The following PKHD1 variants were observed in gnomAD, a reference collection of about 807,000 sequenced individuals.
PKHD1 encodes the protein fibrocystin.
A neutral mutation model predicts 412.0 loss-of-function variants in PKHD1; 291 were observed. The ratio of observed to expected loss-of-function variants is 0.71; its 90% CI spans 0.64 to 0.78. The LOEUF (loss-of-function observed/expected upper bound fraction) is 0.78, where lower values mean the gene tolerates loss of function less well. Among genes scored for constraint, PKHD1 ranks in the 30% least tolerant of loss-of-function variants. The pLI is 0.00. For missense variants in PKHD1, 4,825 were observed against 4,950.7 expected, an observed-to-expected ratio of 0.97 and a Z score of 0.76; for synonymous variants, 1,777 against 1,821.5, an observed-to-expected ratio of 0.98 and a Z score of 0.62.
At chr6:52,069,340 T>C in intron 11 of PKHD1, 117 bp downstream of exon 11, 1 of 800,590 alleles carries the variant, frequency 1.2e-6, no homozygotes, top group Non-Finnish European at 2.3e-6. Context: ...CTGTCTATGA[T>C]TGTAGGGACA....
At chr6:51,795,870 A>C (rs7749283) in intron 52 of PKHD1, among the ~76,000 whole-genome samples, 89,791 of 151,950 alleles carry the variant, frequency 0.59, 27,190 homozygotes, top group East Asian at 0.83. Context: ...AGGGACGAAG[A>C]CTACTTGATC....
In PKHD1 at chr6:52,056,709, C is replaced by G; in HGVS notation, c.1682G>C (p.Gly561Ala). 12 of 1,612,542 alleles carry G rather than the reference C, an allele frequency of 7.4e-6. No homozygotes were observed. The highest frequency in any genetic ancestry group is 1.0e-5 in the Non-Finnish European group (12 of 1,178,612). The change falls in exon 18 of 67, where the codon GGA (glycine) becomes GCA (alanine). Residue 561 changes from glycine to alanine, a missense_variant. Transcript: ENST00000371117. ...GCCACGGACAGCACCTCGTTCAAATCCAAGCCGGAGAAGGATGTTAGACCA... is the reference window on the plus strand; with the variant it reads ...GCCACGGACAGCACCTCGTTCAAATGCAAGCCGGAGAAGGATGTTAGACCA... ...PLWSNILLRL[G>A]FERGPEVSNS... is the part of the protein sequence containing the mutation.
chr6:51,791,642 T>G (rs1263687235), intron 52 of PKHD1, among the ~76,000 whole-genome samples: 3 of 152,228 alleles, frequency 2.0e-5, no homozygotes, highest in Non-Finnish European at 4.4e-5. Context: ...CCAAGTCTAG[T>G]GCAGTGGAAA....
chr6:52,025,988 G>T lies in PKHD1; in HGVS notation c.3822C>A (p.Gly1274=), dbSNP rs758374049. The change falls in exon 32 of 67, where the codon GGC becomes GGA. Residue 1274 remains glycine (G), a synonymous_variant. Coordinates refer to ENST00000371117, the MANE Select transcript of PKHD1 (RefSeq NM_138694.4). ...TVPAAVEVWA[G]NRFFARGPSP... is the part of the protein sequence containing the mutation. The stretch of plus-strand genomic sequence containing the variant: ...AAGGACCACGGGCGAAGAACCTGTT[G>T]CCAGCCCAGACCTCCACGGCAGCTG... The T allele has an allele frequency of 6.2e-7, 1 of 1,614,128 alleles. No individual in the cohort carries two copies. Among genetic ancestry groups the T allele is most frequent in the Non-Finnish European group, 8.5e-7 (1 of 1,180,028 alleles).
At chr6:51,804,235 C>T (rs1763365401) in intron 52 of PKHD1, among the ~76,000 whole-genome samples, 1 of 150,890 alleles carries the variant, frequency 6.6e-6, no homozygotes. Context: ...TGCCCAACCA[C>T]CAACAGTCCA....
At chr6:51,682,407 TC>T (rs1776809158) in intron 60 of PKHD1, among the ~76,000 whole-genome samples, 1 of 152,090 alleles carries the variant, frequency 6.6e-6, no homozygotes, top group South Asian at 2.1e-4. Flanking sequence ...TGCCTTCTTT[TC>T]CAGTGTGATA....
intron 29 of PKHD1, 87 bp from the exon 30 acceptor site, chr6:52,028,438 T>G: frequency 1.6e-6 from 2 of 1,270,656 alleles, no homozygotes; most frequent in Non-Finnish European, 2.3e-6. Flanking sequence ...CTTTTTGGAT[T>G]AAATTCACAG....
intron 57 of PKHD1, among the ~76,000 whole-genome samples, chr6:51,749,097 A>G (rs1392957232): frequency 1.3e-5 from 2 of 152,194 alleles, no homozygotes; most frequent in Non-Finnish European, 2.9e-5. Flanking sequence ...AGCCATTCCC[A>G]AGAAGACACT....
intron 60 of PKHD1, among the ~76,000 whole-genome samples, chr6:51,700,591 T>C (rs1241720904): frequency 6.6e-6 from 1 of 152,064 alleles, no homozygotes; most frequent in African/African-American, 2.4e-5. Flanking sequence ...CTCAGACTAC[T>C]AGTTTACTGC....
At chr6:51,840,333 T>C (rs531052390) in intron 50 of PKHD1, among the ~76,000 whole-genome samples, 23 of 152,252 alleles carry the variant, frequency 1.5e-4, no homozygotes, top group African/African-American at 4.8e-4. Flanking sequence ...AAATAGTATA[T>C]GAAAATCCTG....
intron 43 of PKHD1, among the ~76,000 whole-genome samples, chr6:51,898,200 A>C (rs1180270614): frequency 1.3e-5 from 2 of 152,088 alleles, no homozygotes; most frequent in African/African-American, 4.8e-5. Context: ...CCTCAAATCA[A>C]CAGAATATAC....
intron 52 of PKHD1, among the ~76,000 whole-genome samples, chr6:51,820,796 T>C (rs1766268824): frequency 6.6e-6 from 1 of 152,144 alleles, no homozygotes; most frequent in Non-Finnish European, 1.5e-5. Flanking sequence ...GCAAAGTTCT[T>C]ATCTCTAAAC....
At chr6:51,695,266 C>T (rs541047938) in intron 60 of PKHD1, among the ~76,000 whole-genome samples, 1 of 152,252 alleles carries the variant, frequency 6.6e-6, no homozygotes, top group South Asian at 2.1e-4. Context: ...AGGATTTTCT[C>T]AAAATCCTTT....
At position 52,067,487 on chromosome 6, in the gene PKHD1, G is replaced by A. The variant is rs374729301; in HGVS notation, c.779-1410C>T. Among the ~76,000 whole-genome samples, 160 of 152,234 alleles carry A rather than the reference G, an allele frequency of 1.1e-3. 1 individual carries two copies. Among genetic ancestry groups the A allele is most frequent in the African/African-American group, 3.1e-3 (127 of 41,536 alleles). ...TGAATACAAAATAGTTCCTGTCCTC[G>A]AGAAGATCAGCATGGTAAGGCAGGT... On this transcript the variant is annotated intron_variant, in intron 11 of 66. Transcript: ENST00000371117.
At chr6:52,086,932 CA>C (rs1304802529) in intron 1 of PKHD1, among the ~76,000 whole-genome samples, 4 of 152,286 alleles carry the variant, frequency 2.6e-5, no homozygotes, top group Admixed American at 2.0e-4. Flanking sequence ...GTTACACAGA[CA>C]AAATATACTC....
Position 51,887,199 on chromosome 6 carries a change from A to T in PKHD1, c.7043T>A (p.Met2348Lys). The change falls in exon 44 of 67, where the codon ATG (methionine) becomes AAG (lysine). Residue 2348 changes from methionine to lysine, a missense_variant. By Grantham distance (95) the Met-to-Lys change is moderately conservative. Coordinates refer to ENST00000371117, the MANE Select transcript of PKHD1 (RefSeq NM_138694.4). ...GAGYGYFFHL[M>K]TNQTSQAPLL... The stretch of plus-strand genomic sequence containing the variant: ...CGGAGCTTGTGATGTTTGGTTGGTC[A>T]TGAGATGGAAAAAGTAGCCATAGCC... 1 of 1,613,656 alleles carries T rather than the reference A, an allele frequency of 6.2e-7. No homozygotes were observed. The highest frequency in any genetic ancestry group is 8.5e-7 in the Non-Finnish European group (1 of 1,179,560).
chr6:51,674,842 T>G (rs1313631347), intron 60 of PKHD1, among the ~76,000 whole-genome samples: 1 of 152,298 alleles, frequency 6.6e-6, no homozygotes, highest in East Asian at 1.9e-4. Flanking sequence ...CTTTTAATAT[T>G]TTATCATACT....
At chr6:51,983,883 T>C (rs955971965) in intron 35 of PKHD1, among the ~76,000 whole-genome samples, 5 of 152,202 alleles carry the variant, frequency 3.3e-5, no homozygotes, top group Non-Finnish European at 5.9e-5. Context: ...CAAGAGAAAG[T>C]GTTTATAGCA....
At chr6:51,693,238 C>T (rs1045100934) in intron 60 of PKHD1, among the ~76,000 whole-genome samples, 10 of 152,238 alleles carry the variant, frequency 6.6e-5, no homozygotes, top group Admixed American at 2.6e-4. Context: ...CCACTTTTCT[C>T]TATGAAGGCA....
Sources: allele counts gnomAD v4.1 joint callset (sites outside exome capture counted in the v4.1 genomes callset), GRCh38; gene constraint gnomAD v4.1.1; transcripts MANE v1.5; gene names NCBI Gene and HGNC (gene_info 2026-07-23, HGNC 2026-07-21).